MOXD1: variants seen among roughly 807,000 people sequenced by gnomAD.
MOXD1 encodes the protein DBH-like monooxygenase protein 1.
MOXD1 carries 62 observed loss-of-function variants against 66.6 expected under a neutral mutation model. The ratio of observed to expected loss-of-function variants is 0.93; its 90% confidence interval spans 0.76 to 1.15. The LOEUF (loss-of-function observed/expected upper bound fraction) is 1.15, where lower values mean the gene tolerates loss of function less well. MOXD1 is among the 50% of genes most tolerant of loss of function. The pLI, the probability that MOXD1 is intolerant of heterozygous loss-of-function variation, is 0.00. For missense variants in MOXD1, 847 were observed against 754.6 expected (o/e 1.12, Z -1.44); for synonymous variants, 303 against 281.9 (o/e 1.07, Z -0.75).
At chr6:132,340,667 G>GC (rs1451283751) in intron 4 of MOXD1, among the ~76,000 whole-genome samples, 1 of 86,638 alleles carries the variant, frequency 1.2e-5, no homozygotes, top group Non-Finnish European at 1.9e-5. Flanking sequence ...TTTTTTTTGA[G>GC]CCGGAGTCTC....
At chr6:132,339,638 G>A (rs1775508376) in intron 4 of MOXD1, among the ~76,000 whole-genome samples, 1 of 152,186 alleles carries the variant, frequency 6.6e-6, no homozygotes, top group Non-Finnish European at 1.5e-5. Flanking sequence ...GGTGGCCTAA[G>A]CCCACTTATG....
rs1008201056 is a variant in MOXD1, at chr6:132,340,903, C to T, written c.664-12309G>A. The stretch of plus-strand genomic sequence containing the variant: ...CCTCGTGATCCGCCCGCCTCGGCCT[C>T]CCAACGTGCTGGGATTACAGGCGTG... On this transcript the variant is annotated intron_variant, in intron 4 of 11. Transcript: ENST00000367963. 5.8e-4 allele frequency among the ~76,000 whole-genome samples: 88 copies of T among 152,246 alleles called. 1 individual carries two copies. Among genetic ancestry groups the T allele is most frequent in the South Asian group, 6.2e-4 (3 of 4,820 alleles).
At chr6:132,329,168 A>G (rs111604652) in intron 4 of MOXD1, among the ~76,000 whole-genome samples, 6,416 of 152,114 alleles carry the variant, frequency 0.042, 246 homozygotes, top group African/African-American at 0.096. Flanking sequence ...CCTGTGTCCA[A>G]GTGTTCTCAT....
At chr6:132,324,258 T>C (rs973399243) in intron 6 of MOXD1, among the ~76,000 whole-genome samples, 161 bp from the exon 7 acceptor site, 4 of 152,116 alleles carry the variant, frequency 2.6e-5, no homozygotes, top group South Asian at 4.1e-4. Context: ...CAAGCAGAGA[T>C]TAGTGGCAGA....
intron 4 of MOXD1, among the ~76,000 whole-genome samples, chr6:132,345,845 C>G (rs1237257415): frequency 6.6e-6 from 1 of 151,580 alleles, no homozygotes; most frequent in Non-Finnish European, 1.5e-5. Context: ...AATCTGCTGT[C>G]AAGATTGACA....
At chr6:132,344,005 G>A (rs1775618456) in intron 4 of MOXD1, among the ~76,000 whole-genome samples, 1 of 152,150 alleles carries the variant, frequency 6.6e-6, no homozygotes, top group Non-Finnish European at 1.5e-5. Context: ...TCTATTAAGA[G>A]AAAGGAATGA....
At chr6:132,307,445 T>A (rs192627358) in intron 10 of MOXD1, among the ~76,000 whole-genome samples, 26 of 152,198 alleles carry the variant, frequency 1.7e-4, no homozygotes, top group Admixed American at 9.8e-4. Context: ...CCAATGTCAG[T>A]ATTAGACAGA....
intron 9 of MOXD1, among the ~76,000 whole-genome samples, chr6:132,320,062 C>T (rs943757610): frequency 2.6e-5 from 4 of 151,986 alleles, no homozygotes; most frequent in Non-Finnish European, 5.9e-5. Context: ...ACTACTGGCC[C>T]CTTTTATACT....
intron 1 of MOXD1, among the ~76,000 whole-genome samples, chr6:132,380,359 A>T (rs1057244404): frequency 6.6e-6 from 1 of 152,128 alleles, no homozygotes; most frequent in African/African-American, 2.4e-5. Context: ...GACCTGTACT[A>T]ATTGCTCCCT....
intron 4 of MOXD1, among the ~76,000 whole-genome samples, chr6:132,359,221 G>C (rs1485584414): frequency 6.6e-6 from 1 of 151,364 alleles, no homozygotes; most frequent in African/African-American, 2.4e-5. Context: ...CTGGGCTCAA[G>C]TGATCCTCTC....
At chr6:132,382,719 A>G (rs374889314) in intron 1 of MOXD1, among the ~76,000 whole-genome samples, 2 of 152,304 alleles carry the variant, frequency 1.3e-5, no homozygotes. Context: ...TTGAGGTTTC[A>G]AAATGCTATG....
intron 4 of MOXD1, among the ~76,000 whole-genome samples, chr6:132,340,938 G>T (rs992533799): frequency 6.6e-6 from 1 of 152,082 alleles, no homozygotes; most frequent in Admixed American, 6.5e-5. Flanking sequence ...GAGCCACTGC[G>T]CCCGGCAAGA....
At chr6:132,354,975 A>G (rs781510462) in intron 4 of MOXD1, among the ~76,000 whole-genome samples, 2 of 152,100 alleles carry the variant, frequency 1.3e-5, no homozygotes, top group Non-Finnish European at 2.9e-5. Flanking sequence ...CTCCCACACA[A>G]TCTGAAGGGC....
chr6:132,356,111 C>T (rs964486957), intron 4 of MOXD1, among the ~76,000 whole-genome samples: 14 of 152,118 alleles, frequency 9.2e-5, no homozygotes, highest in African/African-American at 1.4e-4. Flanking sequence ...ACGCAAAGGA[C>T]GCTTCTGAGT....
chr6:132,375,658 G>C (rs1184655057), intron 1 of MOXD1, among the ~76,000 whole-genome samples: 1 of 152,114 alleles, frequency 6.6e-6, no homozygotes, highest in Non-Finnish European at 1.5e-5. Context: ...CTGACCTCGT[G>C]ATCTGCCCAT....
intron 1 of MOXD1, chr6:132,392,262 G>C (rs779010271): frequency 6.9e-5 from 111 of 1,603,520 alleles, no homozygotes; most frequent in Non-Finnish European, 9.3e-5. Flanking sequence ...AAGACACTTC[G>C]CATCACAGGC....
chr6:132,363,951 A>G (rs1776066556), intron 4 of MOXD1, among the ~76,000 whole-genome samples: 1 of 152,152 alleles, frequency 6.6e-6, no homozygotes, highest in Non-Finnish European at 1.5e-5. Context: ...AATTACCAAG[A>G]AATGTGCTAG....
intron 4 of MOXD1, among the ~76,000 whole-genome samples, chr6:132,352,435 A>T (rs187164591): frequency 6.6e-6 from 1 of 152,206 alleles, no homozygotes; most frequent in East Asian, 1.9e-4. Context: ...ATGTATTTGC[A>T]TAGTTTTGAA....
At chr6:132,377,925 T>G (rs1776427128) in intron 1 of MOXD1, among the ~76,000 whole-genome samples, 1 of 151,992 alleles carries the variant, frequency 6.6e-6, no homozygotes, top group Non-Finnish European at 1.5e-5. Context: ...GTTAGGAGTT[T>G]GAGACCAGCC....
Sources: gnomAD v4.1 joint callset for allele counts (sites outside exome capture counted in the v4.1 genomes callset) on GRCh38, gnomAD v4.1.1 for gene constraint, MANE v1.5 for transcripts, NCBI Gene and HGNC (gene_info 2026-07-23, HGNC 2026-07-21) for gene names.